ABHD15: variants seen among roughly 807,000 people sequenced by gnomAD.
The protein encoded by ABHD15 is abhydrolase domain containing 15, also known as protein ABHD15.
In ABHD15, 34 loss-of-function variants were observed where a neutral mutation model predicts 34.4. That is an observed-to-expected ratio of 0.99 (90% CI 0.75 to 1.32). The LOEUF (loss-of-function observed/expected upper bound fraction) is 1.32. Among genes scored for constraint, ABHD15 ranks in the 40% most tolerant of loss-of-function variants. The pLI is 0.00. For synonymous variants in ABHD15, 314 were observed against 299.2 expected, an observed-to-expected ratio of 1.05 and a Z score of -0.51; for missense variants, 644 against 650.4, an observed-to-expected ratio of 0.99 and a Z score of 0.11.
rs200670700 is a variant in ABHD15, at chr17:29,562,831, G to C, written c.1137C>G (p.Pro379=). The C allele has an allele frequency of 6.2e-7, 1 of 1,613,764 alleles. No homozygotes were observed. The highest frequency in any genetic ancestry group is 2.2e-5 in the East Asian group (1 of 44,864). The change falls in exon 2 of 2, where the codon CCC becomes CCG. Residue 379 remains proline (P), a synonymous_variant. Transcript: ENST00000307201. ...TLTTELFHSN[P]YFFLLLSRHG... is the part of the protein sequence containing the mutation. Reference sequence around the variant, plus strand: ...GGCGACTGAGCAGGAGGAAGAAGTAGGGGTTGCTGTGGAAGAGTTCAGTTG... The same window carrying C: ...GGCGACTGAGCAGGAGGAAGAAGTACGGGTTGCTGTGGAAGAGTTCAGTTG...
In ABHD15 at chr17:29,562,994, G is replaced by T. The variant is rs376067361; in HGVS notation, c.974C>A (p.Thr325Asn). The T allele has an allele frequency of 6.2e-7, 1 of 1,613,598 alleles. No individual in the cohort carries two copies. The highest frequency in any genetic ancestry group is 1.3e-5 in the African/African-American group (1 of 74,910). The change falls in exon 2 of 2, where the codon ACC becomes AAC. Residue 325 changes from threonine (T) to asparagine (N), a missense_variant. Transcript: ENST00000307201. ...REFEEALFCH[T>N]KSFPISWDTY... ...ATCCCAGCTGATGGGGAAGCTTTTG[G>T]TGTGGCAGAAGAGAGCCTCCTCAAA...
In ABHD15 at chr17:29,562,776, C is replaced by G. The variant is rs138644325; in HGVS notation, c.1192G>C (p.Glu398Gln). Reference sequence around the variant, plus strand: ...TCATGGCTCCAGGCTGGCAAGGGCTCCTGGCGCAGGAAGCCACAGTGGCCT... The same window carrying G: ...TCATGGCTCCAGGCTGGCAAGGGCTGCTGGCGCAGGAAGCCACAGTGGCCT... ...HGGHCGFLRQ[E>Q]PLPAWSHEVI... The change falls in exon 2 of 2, where the codon GAG (glutamate) becomes CAG (glutamine). Residue 398 changes from glutamate (E) to glutamine (Q), a missense_variant. Glu to Gln is a conservative substitution (Grantham distance 29). Transcript: ENST00000307201. 2.7e-5 allele frequency: 43 copies of G among 1,613,616 alleles called. No individual in the cohort carries two copies. The African/African-American group carries it at 5.5e-4, about 21-fold the overall frequency.
chr17:29,561,075 G>A lies in ABHD15; in HGVS notation c.*1486C>T, dbSNP rs1398941903. 1 of 152,168 alleles carries A rather than the reference G, an allele frequency of 6.6e-6. No individual in the cohort carries two copies. Among genetic ancestry groups the A allele is most frequent in the African/African-American group, 2.4e-5 (1 of 41,434 alleles). The allele number at this position is 152,168 out of a possible 1,614,324, so 9.4% of individuals were successfully genotyped here. On this transcript the variant is annotated 3_prime_UTR_variant, in exon 2 of 2. Coordinates refer to ENST00000307201, the MANE Select transcript of ABHD15 (RefSeq NM_198147.3). ...CTTCTGATTTGATCTAGAAGAACAA[G>A]ATCTAGAATCTGGGGCAAGATTATC... is the stretch of plus-strand genomic sequence containing the variant.
Position 29,566,069 on chromosome 17 carries a change from C to T in ABHD15, c.881+17G>A. The T allele has an allele frequency of 3.3e-6, 5 of 1,516,956 alleles. No homozygotes were observed. Among genetic ancestry groups the T allele is most frequent in the Non-Finnish European group, 4.4e-6 (5 of 1,133,526 alleles). The allele number at this position is 1,516,956 out of a possible 1,614,324, so 94.0% of individuals were successfully genotyped here. A position where few individuals can be genotyped will look rare whatever the true frequency, so the allele number is the denominator to read the frequency against. On this transcript the variant is annotated intron_variant, in intron 1 of 1. Coordinates refer to ENST00000307201, the MANE Select transcript of ABHD15 (RefSeq NM_198147.3). ...CCTCTATTCTTTCCATGCTGGTCTG[C>T]GGCCTCCGTTACCCACCTGCTGAGG...
At chr17:29,563,857 T>G (rs967992774) in intron 1 of ABHD15, among the ~76,000 whole-genome samples, 9 of 152,064 alleles carry the variant, frequency 5.9e-5, no homozygotes, top group African/African-American at 1.9e-4. Flanking sequence ...AGACTCCATC[T>G]CAAAAAATAA....
At position 29,566,527 on chromosome 17, in the gene ABHD15, C is replaced by T. The variant is rs141385558; in HGVS notation, c.440G>A (p.Gly147Asp). 1.9e-3 allele frequency: 3,118 copies of T among 1,610,826 alleles called. 9 individuals are homozygous for T. Among genetic ancestry groups the T allele is most frequent in the Non-Finnish European group, 2.5e-3 (2,905 of 1,179,676 alleles). Residue 147 changes from glycine to aspartate, a missense_variant, in exon 1 of 2, where the codon GGC becomes GAC. Physicochemically the swap from Gly to Asp is moderately conservative, Grantham distance 94. Transcript: ENST00000307201. ...GCCCCCGGCGCTGGTGATCCGGCGG[C>T]CCCGAACACAAGGTCCTACCACCCA... ...LDWVVGPCVR[G>D]RRITSAGGLP...
chr17:29,564,605 G>C (rs2032674812), intron 1 of ABHD15, among the ~76,000 whole-genome samples: 1 of 152,184 alleles, frequency 6.6e-6, no homozygotes, highest in Admixed American at 6.5e-5. Context: ...TATAATCCCA[G>C]CACTTTGGGA....
Position 29,567,025 on chromosome 17 carries a change from C to T in ABHD15, c.-59G>A. On this transcript the variant is annotated 5_prime_UTR_variant, in exon 1 of 2. Coordinates refer to ENST00000307201, the MANE Select transcript of ABHD15 (RefSeq NM_198147.3). This position sits in a 1 kb window ranked among gnomAD's most constrained non-coding sequence, Gnocchi z 6.6. ...GGCGGGGCCGTCTACTCGGCGAGCT[C>T]CGCGCTTTGCCCGCGGCTCCGCCCG... 1 of 1,219,970 alleles carries T rather than the reference C, an allele frequency of 8.2e-7. No homozygotes were observed. The highest frequency in any genetic ancestry group is 1.0e-6 in the Non-Finnish European group (1 of 981,400). 75.6% of individuals were successfully genotyped at this position (1,219,970 alleles called of 1,614,324 possible).
Position 29,566,650 on chromosome 17 carries a change from A to C in ABHD15, c.317T>G (p.Leu106Arg), listed in dbSNP as rs1463110551. The C allele has an allele frequency of 6.2e-7, 1 of 1,604,796 alleles. No homozygotes were observed. ...GPRSWFSGPH[L>R]QTLCHFVLPV... is the part of the protein sequence containing the mutation. ...CAGGACGAAGTGGCAGAGGGTCTGC[A>C]GGTGGGGCCCGGAGAACCAGGAGCG... is the stretch of plus-strand genomic sequence containing the variant. The change falls in exon 1 of 2, where the codon CTG (leucine) becomes CGG (arginine). Residue 106 changes from leucine to arginine, a missense_variant. By Grantham distance (102) the Leu-to-Arg change is moderately radical. Transcript: ENST00000307201.
At chr17:29,565,885 C>T (rs1177159556) in intron 1 of ABHD15, among the ~76,000 whole-genome samples, 2 of 152,266 alleles carry the variant, frequency 1.3e-5, no homozygotes, top group Non-Finnish European at 2.9e-5. Context: ...GCGATACTAG[C>T]TGAGTCCATC....
At position 29,562,473 on chromosome 17, in the gene ABHD15, C is replaced by T; in HGVS notation, c.*88G>A. On this transcript the variant is annotated 3_prime_UTR_variant, in exon 2 of 2. Coordinates refer to ENST00000307201, the MANE Select transcript of ABHD15 (RefSeq NM_198147.3). The stretch of plus-strand genomic sequence containing the variant: ...GAGGAGCACAGAGCTGGAGCTCCCT[C>T]TGTTCAGTCCGCCCCATCTTTCCAG... 2 of 1,409,544 alleles carry T rather than the reference C, an allele frequency of 1.4e-6. No homozygotes were observed. Among genetic ancestry groups the T allele is most frequent in the East Asian group, 2.3e-5 (1 of 43,530 alleles). The allele number at this position is 1,409,544 out of a possible 1,614,324, so 87.3% of individuals were successfully genotyped here.
In ABHD15 at chr17:29,566,444, G is replaced by A. The variant is rs1377186826; in HGVS notation, c.523C>T (p.Leu175Phe). The A allele has an allele frequency of 2.5e-6, 4 of 1,612,398 alleles. No individual in the cohort carries two copies. In the African/African-American group the frequency reaches 5.3e-5, roughly 22 times the overall value. The change falls in exon 1 of 2, where the codon CTC (leucine) becomes TTC (phenylalanine). Residue 175 changes from leucine (L) to phenylalanine (F), a missense_variant. Transcript: ENST00000307201. The part of the protein sequence containing the change: ...NAWGRLTRNV[L>F]GLCLLALERG... Reference sequence around the variant, plus strand: ...TCCAGGGCGAGCAAGCAAAGGCCGAGCACGTTGCGGGTGAGGCGACCCCAC... The same window carrying A: ...TCCAGGGCGAGCAAGCAAAGGCCGAACACGTTGCGGGTGAGGCGACCCCAC...
Position 29,566,813 on chromosome 17 carries a change from C to A in ABHD15, c.154G>T (p.Gly52Cys). ...QDRDDGEEAD[G>C]GGPADQFSDG... ...CTGAACTGGTCCGCCGGGCCTCCGC[C>A]GTCCGCCTCCTCCCCGTCGTCTCGG... The change falls in exon 1 of 2, where the codon GGC becomes TGC. Residue 52 changes from glycine (G) to cysteine (C), a missense_variant. Physicochemically the swap from Gly to Cys is radical, Grantham distance 159 (BLOSUM62 -3). Transcript: ENST00000307201. 1.3e-6 allele frequency: 2 copies of A among 1,514,652 alleles called. No homozygotes were observed. The highest frequency in any genetic ancestry group is 4.1e-5 in the Admixed American group (2 of 49,272). The allele number at this position is 1,514,652 out of a possible 1,614,324, so 93.8% of individuals were successfully genotyped here.
rs1361207412 is a variant in ABHD15 at position 29,560,990 on chromosome 17, C to G, written c.*1571G>C. 1 of 152,088 alleles carries G rather than the reference C, an allele frequency of 6.6e-6. No individual in the cohort carries two copies. Among genetic ancestry groups the G allele is most frequent in the Non-Finnish European group, 1.5e-5 (1 of 68,020 alleles). The allele number at this position is 152,088 out of a possible 1,614,324, so 9.4% of individuals were successfully genotyped here. A position where few individuals can be genotyped will look rare whatever the true frequency, so the allele number is the denominator to read the frequency against. On this transcript the variant is annotated 3_prime_UTR_variant, in exon 2 of 2. Transcript: ENST00000307201. ...AATTTTTCACAACAAGATAATGTCC[C>G]TTAGATTATCGAGTGCTGTCTACAT...
Position 29,563,030 on chromosome 17 carries a change from GAA to G in ABHD15, c.936_937del (p.Ser313ProfsTer5), listed in dbSNP as rs760626515. 2.9e-5 allele frequency: 47 copies of G among 1,612,154 alleles called. No homozygotes were observed. Among genetic ancestry groups the G allele is most frequent in the Non-Finnish European group, 3.9e-5 (46 of 1,180,034 alleles). ...GAGAGCCTCCTCAAACTCTCGAAGG[GAA>G]CGGCTCCTGAACAGTCTGCTGGTGT... On this transcript the variant is annotated frameshift_variant, in exon 2 of 2. Coordinates refer to ENST00000307201, the MANE Select transcript of ABHD15 (RefSeq NM_198147.3). LOFTEE classifies it high-confidence loss of function.
rs774245141 is a variant in ABHD15, at chr17:29,566,714, G to A, written c.253C>T (p.Arg85Cys). ...AGCGCCTCTGAGCGCCGCAGGGCGC[G>A]CAGCAGGCACTGGGCCAGGGCCGAC... is the stretch of plus-strand genomic sequence containing the variant. Reference protein sequence around the residue: ...KPSALAQCLLRALRRSEALEA... With the variant: ...KPSALAQCLLCALRRSEALEA... Residue 85 changes from arginine (R) to cysteine (C), a missense_variant, in exon 1 of 2, where the codon CGC becomes TGC. Physicochemically the swap from Arg to Cys is radical, Grantham distance 180. Coordinates refer to ENST00000307201, the MANE Select transcript of ABHD15 (RefSeq NM_198147.3). 4.4e-6 allele frequency: 7 copies of A among 1,579,486 alleles called. No individual in the cohort carries two copies. Among genetic ancestry groups the A allele is most frequent in the Admixed American group, 1.8e-5 (1 of 56,396 alleles).
intron 1 of ABHD15, among the ~76,000 whole-genome samples, chr17:29,564,305 T>C (rs1194886093): frequency 6.6e-6 from 1 of 152,238 alleles, no homozygotes; most frequent in Non-Finnish European, 1.5e-5. Context: ...GTCACATGAG[T>C]GTGATGTTGA....
chr17:29,564,541 C>A (rs1240304748), intron 1 of ABHD15, among the ~76,000 whole-genome samples: 1 of 152,170 alleles, frequency 6.6e-6, no homozygotes, highest in South Asian at 2.1e-4. Context: ...TCAATCCAGC[C>A]TCAGACAGTT....
Position 29,566,023 on chromosome 17 carries a change from T to C in ABHD15, c.881+63A>G, listed in dbSNP as rs990950828. ...TTCCAATGCTATGCATAGCTGTTTC[T>C]GATTCTTAGCCAGCTCAGGCCCTCT... On this transcript the variant is annotated intron_variant, in intron 1 of 1. Coordinates refer to ENST00000307201, the MANE Select transcript of ABHD15 (RefSeq NM_198147.3). The C allele has an allele frequency of 4.0e-6, 6 of 1,500,962 alleles. No homozygotes were observed. In the African/African-American group the frequency reaches 8.4e-5, roughly 21 times the overall value. 93.0% of individuals were successfully genotyped at this position (1,500,962 alleles called of 1,614,324 possible). A position where few individuals can be genotyped will look rare whatever the true frequency, so the allele number is the denominator to read the frequency against.
Sources: allele counts gnomAD v4.1 joint callset (sites outside exome capture counted in the v4.1 genomes callset), GRCh38; gene constraint gnomAD v4.1.1; non-coding constraint Gnocchi (gnomAD v3.1); transcripts MANE v1.5; gene names NCBI Gene and HGNC (gene_info 2026-07-23, HGNC 2026-07-21).